VWDE: variants seen among roughly 807,000 people sequenced by gnomAD.
VWDE encodes the protein von Willebrand factor D and EGF domain-containing protein.
In VWDE, 207 loss-of-function variants were observed where a neutral mutation model predicts 178.4. That is an observed-to-expected ratio of 1.16 (90% confidence interval 1.04 to 1.30). The LOEUF (loss-of-function observed/expected upper bound fraction) is 1.30. VWDE is among the 50% of genes most tolerant of loss of function. The pLI, the probability that VWDE is intolerant of heterozygous loss-of-function variation, is 0.00. For missense variants in VWDE, 2,287 were observed against 1,901.3 expected, an observed-to-expected ratio of 1.20 and a Z score of -3.77; for synonymous variants, 738 against 651.4, an observed-to-expected ratio of 1.13 and a Z score of -2.02.
At position 12,383,536 on chromosome 7, in the gene VWDE, G is replaced by C. The variant is rs1479460177; in HGVS notation, c.541C>G (p.Arg181Gly). Residue 181 changes from arginine (R) to glycine (G), a missense_variant and splice_region_variant, in exon 4 of 29, where the codon CGT (arginine) becomes GGT (glycine). By Grantham distance (125) the Arg-to-Gly change is moderately radical (BLOSUM62 -2). Transcript: ENST00000275358. ...DETETGGDCV[R>G]QLAASLPPPP... ...TAAAAAAGCAAAATATGATACTTAC[G>C]AACACAATCACCTCCTGTTTCAGTT... is the stretch of plus-strand genomic sequence containing the variant. The C allele has an allele frequency of 6.5e-7, 1 of 1,549,362 alleles. No homozygotes were observed. The highest frequency in any genetic ancestry group is 1.4e-5 in the African/African-American group (1 of 72,912).
intron 13 of VWDE, among the ~76,000 whole-genome samples, chr7:12,362,242 CA>C (rs1208361239): frequency 7.2e-5 from 11 of 151,810 alleles, no homozygotes; most frequent in African/African-American, 2.2e-4. Context: ...CACACACACA[CA>C]CATAAAAATG....
At chr7:12,400,812 A>T (rs1375162694) in intron 1 of VWDE, among the ~76,000 whole-genome samples, 1 of 152,104 alleles carries the variant, frequency 6.6e-6, no homozygotes, top group Admixed American at 6.6e-5. Flanking sequence ...GAGTGAAAAA[A>T]TTTTCAGCAA....
chr7:12,394,534 C>T (rs1784539570), intron 1 of VWDE, among the ~76,000 whole-genome samples: 1 of 152,052 alleles, frequency 6.6e-6, no homozygotes, highest in South Asian at 2.1e-4. Context: ...ACAAAAAGCT[C>T]CACTTTCCAG....
At chr7:12,393,446 G>T in intron 2 of VWDE, 148 bp downstream of exon 2, 1 of 641,594 alleles carries the variant, frequency 1.6e-6, no homozygotes, top group Non-Finnish European at 2.6e-6. Context: ...ATTAGACTAG[G>T]TAATGTGGGA....
chr7:12,400,682 C>T (rs1187621524), intron 1 of VWDE, among the ~76,000 whole-genome samples: 1 of 149,290 alleles, frequency 6.7e-6, no homozygotes, highest in African/African-American at 2.4e-5. Context: ...AGATGGAACA[C>T]TTTCCACCTC....
intron 1 of VWDE, among the ~76,000 whole-genome samples, chr7:12,395,178 T>C (rs1229951895): frequency 6.6e-6 from 1 of 152,174 alleles, no homozygotes; most frequent in Non-Finnish European, 1.5e-5. Context: ...AAGGCTCCGA[T>C]GTCAACACAA....
chr7:12,347,420 T>G (rs1261446611), intron 19 of VWDE, among the ~76,000 whole-genome samples: 2 of 152,114 alleles, frequency 1.3e-5, no homozygotes, highest in African/African-American at 2.4e-5. Context: ...TGAAGGTATA[T>G]ATCAGAGATA....
intron 3 of VWDE, among the ~76,000 whole-genome samples, chr7:12,386,408 A>C (rs1784102809): frequency 6.6e-6 from 1 of 152,122 alleles, no homozygotes. Context: ...AAGGTTTACC[A>C]GCTCACTCCC....
intron 7 of VWDE, among the ~76,000 whole-genome samples, chr7:12,376,448 A>G (rs1288937419): frequency 6.6e-6 from 1 of 152,118 alleles, no homozygotes; most frequent in African/African-American, 2.4e-5. Context: ...ATGCATGCAA[A>G]CTTCTAAAAT....
intron 3 of VWDE, among the ~76,000 whole-genome samples, chr7:12,384,573 G>A (rs1236522137): frequency 6.6e-6 from 1 of 152,078 alleles, no homozygotes; most frequent in Non-Finnish European, 1.5e-5. Context: ...CGTCGACAAT[G>A]GGGTTGGGGG....
intron 2 of VWDE, among the ~76,000 whole-genome samples, chr7:12,389,778 G>A (rs969580662): frequency 3.9e-5 from 6 of 152,198 alleles, no homozygotes; most frequent in Admixed American, 1.3e-4. Flanking sequence ...TGCACAAGAA[G>A]TTAATGCATA....
Position 12,389,368 on chromosome 7 carries a change from G to C in VWDE, c.244-10C>G, listed in dbSNP as rs1784266669. On this transcript the variant is annotated splice_polypyrimidine_tract_variant and intron_variant, in intron 2 of 28. Coordinates refer to ENST00000275358, the MANE Select transcript of VWDE (RefSeq NM_001135924.3). ...TTCCACAATGGTTCATCTTTTGCAG[G>C]AGAGAAAACAAAAGTTGAAAATTCA... 6.6e-7 allele frequency: 1 copy of C among 1,524,308 alleles called. No individual in the cohort carries two copies. The highest frequency in any genetic ancestry group is 1.4e-5 in the African/African-American group (1 of 72,244). The allele number at this position is 1,524,308 out of a possible 1,614,324, so 94.4% of individuals were successfully genotyped here. A position where few individuals can be genotyped will look rare whatever the true frequency, so the allele number is the denominator to read the frequency against.
chr7:12,366,247 AGT>A (rs922065941), intron 13 of VWDE, among the ~76,000 whole-genome samples: 2 of 152,096 alleles, frequency 1.3e-5, no homozygotes, highest in Admixed American at 1.3e-4. Context: ...AGTTCTGTAT[AGT>A]GTGTTAGAGG....
In VWDE at chr7:12,357,399, A is replaced by G. The variant is rs142309321; in HGVS notation, c.3391T>C (p.Leu1131=). The change falls in exon 17 of 29, where the codon TTG becomes CTG. Residue 1131 remains leucine, a synonymous_variant. Coordinates refer to ENST00000275358, the MANE Select transcript of VWDE (RefSeq NM_001135924.3). ...DPEGSDIHFT[L]DSGPEGASVS... is the part of the protein sequence containing the mutation. ...CTTGCCCCTTCAGGACCAGAGTCCA[A>G]CGTAAAATGGATGTCAGAACCTTCT... 4.1e-5 allele frequency: 63 copies of G among 1,551,874 alleles called. No homozygotes were observed. Among genetic ancestry groups the G allele is most frequent in the Non-Finnish European group, 5.4e-5 (62 of 1,147,078 alleles).
Position 12,344,212 on chromosome 7 carries a change from C to T in VWDE, c.4061G>A (p.Gly1354Glu). 6.4e-7 allele frequency: 1 copy of T among 1,550,894 alleles called. No individual in the cohort carries two copies. Among genetic ancestry groups the T allele is most frequent in the South Asian group, 1.2e-5 (1 of 83,984 alleles). ...ATTATCACCTTCATCACAGGTTGCT[C>T]CACCATGTCCTGGAAGACACTGACA... ...NICQCLPGHG[G>E]ATCDEEHCNP... is the part of the protein sequence containing the mutation. The change falls in exon 21 of 29, where the codon GGA (glycine) becomes GAA (glutamate). Residue 1354 changes from glycine (G) to glutamate (E), a missense_variant. By Grantham distance (98) the Gly-to-Glu change is moderately conservative (BLOSUM62 -2). Coordinates refer to ENST00000275358, the MANE Select transcript of VWDE (RefSeq NM_001135924.3).
At chr7:12,395,092 A>G (rs1784562559) in intron 1 of VWDE, among the ~76,000 whole-genome samples, 1 of 152,120 alleles carries the variant, frequency 6.6e-6, no homozygotes, top group Non-Finnish European at 1.5e-5. Flanking sequence ...TTTTTTTAGT[A>G]CAAGATATTG....
Position 12,336,927 on chromosome 7 carries a change from A to G in VWDE, c.4558+61T>C, listed in dbSNP as rs1047196171. ...AAGTGAAAAAAATGCTCTGTTTTAA[A>G]CTCTGCTTTACATTCCCATGAAGGA... On this transcript the variant is annotated intron_variant, in intron 26 of 28. Transcript: ENST00000275358. The G allele has an allele frequency of 2.1e-6, 3 of 1,435,924 alleles. No homozygotes were observed. In the African/African-American group the frequency reaches 4.3e-5, roughly 21 times the overall value. The allele number at this position is 1,435,924 out of a possible 1,614,324, so 88.9% of individuals were successfully genotyped here.
At chr7:12,392,135 A>G (rs2128562007) in intron 2 of VWDE, among the ~76,000 whole-genome samples, 1 of 152,364 alleles carries the variant, frequency 6.6e-6, no homozygotes, top group South Asian at 2.1e-4. Context: ...AAGATCAGGT[A>G]CATGACTTTG....
chr7:12,339,897 G>T (rs893369007), intron 24 of VWDE, among the ~76,000 whole-genome samples: 31 of 152,128 alleles, frequency 2.0e-4, no homozygotes, highest in African/African-American at 7.5e-4. Flanking sequence ...GTAGCGCTGT[G>T]CACAGGTGAT....
Sources: allele counts gnomAD v4.1 joint callset (sites outside exome capture counted in the v4.1 genomes callset), GRCh38; gene constraint gnomAD v4.1.1; transcripts MANE v1.5; gene names NCBI Gene and HGNC (gene_info 2026-07-23, HGNC 2026-07-21).